LINC00237: variants seen among roughly 807,000 people sequenced by gnomAD.
The protein encoded by LINC00237 is long independently transcribed non-coding RNA 237.
chr20:21,105,661 G>A (rs1434234904), intron 1 of LINC00237, among the ~76,000 whole-genome samples: 1 of 152,158 alleles, frequency 6.6e-6, no homozygotes, highest in Non-Finnish European at 1.5e-5. Flanking sequence ...AAAGAGTGCC[G>A]GCCAGGAGTC....
rs6035780 is a variant in LINC00237, at chr20:21,097,415, T to G, written n.89-3563A>C. Among the ~76,000 whole-genome samples, 3 of 152,178 alleles carry G rather than the reference T, an allele frequency of 2.0e-5. No homozygotes were observed. In the South Asian group the frequency reaches 6.2e-4, roughly 32 times the overall value. ...GGGCAATGAAAGCAAATGAATTGTT[T>G]ATTGGAAAAATTTGTTAAATGGCTC... On this transcript the variant is annotated intron_variant and non_coding_transcript_variant, in intron 1 of 3. Coordinates refer to ENST00000691244, the Ensembl canonical transcript of LINC00237.
intron 3 of LINC00237, among the ~76,000 whole-genome samples, chr20:21,086,016 G>C (rs1218415856): frequency 2.0e-5 from 3 of 152,202 alleles, no homozygotes; most frequent in Non-Finnish European, 4.4e-5. Flanking sequence ...TGCACACGCA[G>C]TGCATTTGCA....
chr20:21,088,986 A>G (rs1187494767), intron 2 of LINC00237, among the ~76,000 whole-genome samples: 1 of 151,752 alleles, frequency 6.6e-6, no homozygotes, highest in Non-Finnish European at 1.5e-5. Context: ...AGCGACCCCA[A>G]TTTTCTTCCT....
intron 1 of LINC00237, among the ~76,000 whole-genome samples, chr20:21,094,462 C>T (rs1487715802): frequency 6.6e-6 from 1 of 152,034 alleles, no homozygotes; most frequent in Non-Finnish European, 1.5e-5. Context: ...TAAGAAGTGC[C>T]CTAGGAGTTG....
At chr20:21,088,212 A>C (rs2030741495) in intron 2 of LINC00237, among the ~76,000 whole-genome samples, 1 of 152,154 alleles carries the variant, frequency 6.6e-6, no homozygotes, top group Non-Finnish European at 1.5e-5. Context: ...TAGGACCGTG[A>C]ATAAAGGTGG....
chr20:21,091,546 T>A (rs2030792950), intron 2 of LINC00237, among the ~76,000 whole-genome samples: 1 of 152,242 alleles, frequency 6.6e-6, no homozygotes, highest in South Asian at 2.1e-4. Context: ...CAATGGTGAC[T>A]ACTGACATAA....
chr20:21,095,154 G>A (rs918933812), intron 1 of LINC00237, among the ~76,000 whole-genome samples: 2 of 152,210 alleles, frequency 1.3e-5, no homozygotes, highest in African/African-American at 4.8e-5. Context: ...TGAGATGGGA[G>A]TAACAGTCTG....
intron 2 of LINC00237, chr20:21,093,218 G>A (rs2030814502): frequency 6.6e-6 from 1 of 152,220 alleles, no homozygotes; most frequent in African/African-American, 2.4e-5. Context: ...CCTTTGCCAT[G>A]AGGTGGGCTA....
intron 1 of LINC00237, among the ~76,000 whole-genome samples, chr20:21,100,396 CG>C (rs1171655165): frequency 1.3e-5 from 2 of 152,218 alleles, no homozygotes; most frequent in African/African-American, 4.8e-5. Flanking sequence ...AGCGTTAGCC[CG>C]GGGTTTCACC....
chr20:21,097,371 A>G (rs751769672), intron 1 of LINC00237, among the ~76,000 whole-genome samples: 20 of 152,252 alleles, frequency 1.3e-4, no homozygotes, highest in South Asian at 2.1e-4. Flanking sequence ...CCAATGTACA[A>G]ATGGTCATTA....
chr20:21,100,102 T>C (rs1202724790), intron 1 of LINC00237, among the ~76,000 whole-genome samples: 1 of 152,244 alleles, frequency 6.6e-6, no homozygotes, highest in African/African-American at 2.4e-5. Flanking sequence ...TTTTTTTTCT[T>C]TTTTAAGAAC....
chr20:21,102,697 A>G lies in LINC00237; in HGVS notation n.88+3574T>C, dbSNP rs1026035165. 4.9e-4 allele frequency among the ~76,000 whole-genome samples: 9 copies of G among 18,312 alleles called. No individual in the cohort carries two copies. In the East Asian group the frequency reaches 8.9e-3, roughly 18 times the overall value. The allele number at this position is 18,312 out of a possible 152,430, so 12.0% of individuals were successfully genotyped here. Reference sequence around the variant, plus strand: ...AAGGAGTTAATTCCTATTTTATAAGAAAAAAAAAAAAAAAAAGGAGGGGGA... The same window carrying G: ...AAGGAGTTAATTCCTATTTTATAAGGAAAAAAAAAAAAAAAAGGAGGGGGA... On this transcript the variant is annotated intron_variant and non_coding_transcript_variant, in intron 1 of 3. Coordinates refer to ENST00000691244, the Ensembl canonical transcript of LINC00237.
chr20:21,085,990 T>C (rs1156628559), intron 3 of LINC00237, among the ~76,000 whole-genome samples: 1 of 152,174 alleles, frequency 6.6e-6, no homozygotes, highest in Non-Finnish European at 1.5e-5. Flanking sequence ...ACGTGGAGAT[T>C]AGCCCTGGTG....
At chr20:21,098,880 C>G (rs775894568) in intron 1 of LINC00237, among the ~76,000 whole-genome samples, 1 of 152,182 alleles carries the variant, frequency 6.6e-6, no homozygotes, top group South Asian at 2.1e-4. Flanking sequence ...TAGAGCATCC[C>G]GAGTCTCATT....
At chr20:21,099,004 A>G (rs1163700647) in intron 1 of LINC00237, among the ~76,000 whole-genome samples, 1 of 152,244 alleles carries the variant, frequency 6.6e-6, no homozygotes, top group Non-Finnish European at 1.5e-5. Context: ...AGAGACAAGA[A>G]GAGCAAGGGG....
intron 1 of LINC00237, among the ~76,000 whole-genome samples, chr20:21,099,939 C>A (rs2030908109): frequency 1.3e-5 from 2 of 152,036 alleles, no homozygotes; most frequent in South Asian, 4.2e-4. Context: ...CTGGCAGCCG[C>A]GGAGACAAAG....
At chr20:21,092,976 A>G (rs2030812228) in intron 2 of LINC00237, 1 of 152,188 alleles carries the variant, frequency 6.6e-6, no homozygotes, top group Non-Finnish European at 1.5e-5. Flanking sequence ...CACATCTAAT[A>G]GGGTTTTCCA....
chr20:21,089,898 G>A (rs1047773529), intron 2 of LINC00237: 1 of 152,180 alleles, frequency 6.6e-6, no homozygotes, highest in Non-Finnish European at 1.5e-5. Context: ...CGCATATAAG[G>A]TAGGAAATAT....
chr20:21,102,648 C>A (rs1023838855), intron 1 of LINC00237, among the ~76,000 whole-genome samples: 1 of 149,870 alleles, frequency 6.7e-6, no homozygotes, highest in African/African-American at 2.5e-5. Context: ...AATCCTGCCC[C>A]TTGGCACAGA....
Sources: allele counts gnomAD v4.1 joint callset (sites outside exome capture counted in the v4.1 genomes callset), GRCh38; gene constraint gnomAD v4.1.1; transcripts MANE v1.5; gene names NCBI Gene and HGNC (gene_info 2026-07-23, HGNC 2026-07-21).